ZNF782: variants seen among roughly 807,000 people sequenced by gnomAD.
ZNF782 encodes the protein zinc finger protein 782.
Under a neutral mutation model 13.0 loss-of-function variants are expected in ZNF782, and 12 were observed. That is an observed-to-expected ratio of 0.92 (90% CI 0.59 to 1.50). The LOEUF is 1.50. Among genes scored for constraint, ZNF782 ranks in the 40% most tolerant of loss-of-function variants. ZNF782 has a pLI of 0.00. For missense variants in ZNF782, 770 were observed against 822.9 expected (o/e 0.94, Z 0.79); for synonymous variants, 284 against 283.0 (o/e 1.00, Z -0.04).
chr9:96,866,293 G>A (rs1039073027), intron 1 of ZNF782, among the ~76,000 whole-genome samples: 10 of 152,136 alleles, frequency 6.6e-5, no homozygotes, highest in African/African-American at 9.7e-5. Flanking sequence ...GGAACTTGGC[G>A]CCCTGTGTCC....
the ZNF782 span, among the ~76,000 whole-genome samples, chr9:96,915,116 C>A: frequency 6.6e-6 from 1 of 151,764 alleles, no homozygotes; most frequent in Non-Finnish European, 1.5e-5. Context: ...CAAGAAAATT[C>A]TTTGTTCAAC....
At chr9:96,869,692 A>G (rs1187745208) in intron 1 of ZNF782, among the ~76,000 whole-genome samples, 3 of 152,224 alleles carry the variant, frequency 2.0e-5, no homozygotes, top group Non-Finnish European at 2.9e-5. Flanking sequence ...ATGAACATTT[A>G]AAATAGGCAT....
chr9:96,871,286 C>CT (rs909151077), intron 1 of ZNF782, among the ~76,000 whole-genome samples: 48 of 145,702 alleles, frequency 3.3e-4, no homozygotes, highest in South Asian at 8.7e-4. Flanking sequence ...TGTATTTCTT[C>CT]TTTTTTTTTT....
At chr9:96,884,894 C>A in the ZNF782 span, among the ~76,000 whole-genome samples, 1 of 151,784 alleles carries the variant, frequency 6.6e-6, no homozygotes, top group Non-Finnish European at 1.5e-5. Flanking sequence ...GCTTGACATG[C>A]CAAGAATCAG....
chr9:96,920,488 G>T, the ZNF782 span, among the ~76,000 whole-genome samples: 1 of 147,440 alleles, frequency 6.8e-6, no homozygotes, highest in Admixed American at 6.7e-5. Context: ...GGATGGTTTC[G>T]ATCTCCTGAC....
In ZNF782 at chr9:96,854,207, G is replaced by A. The variant is rs1851591821; in HGVS notation, c.-381C>T. On this transcript the variant is annotated 5_prime_UTR_variant, in exon 1 of 6. Transcript: ENST00000481138. ...CCCCACCCCCGCCGCCGCTCGCGCC[G>A]GGCTCCGGTCCCGCACACCGCGGCC... 6.6e-6 allele frequency: 1 copy of A among 152,278 alleles called. No individual in the cohort carries two copies. Among genetic ancestry groups the A allele is most frequent in the South Asian group, 2.1e-4 (1 of 4,824 alleles). The allele number at this position is 152,278 out of a possible 1,614,324, so 9.4% of individuals were successfully genotyped here.
the ZNF782 span, among the ~76,000 whole-genome samples, chr9:96,913,967 T>C: frequency 2.0e-5 from 3 of 147,658 alleles, no homozygotes; most frequent in Non-Finnish European, 4.5e-5. Flanking sequence ...CAGCGAGACC[T>C]TGTCTCAAAA....
At chr9:96,898,279 C>T in the ZNF782 span, among the ~76,000 whole-genome samples, 3 of 148,864 alleles carry the variant, frequency 2.0e-5, no homozygotes, top group East Asian at 6.8e-4. Context: ...GACCAAACCC[C>T]GTACCCATCA....
chr9:96,926,728 C>G, the ZNF782 span, among the ~76,000 whole-genome samples: 2 of 152,190 alleles, frequency 1.3e-5, no homozygotes, highest in South Asian at 4.1e-4. Flanking sequence ...GGGCTTGAGA[C>G]TTGCAATCCA....
the ZNF782 span, chr9:96,893,623 C>T: frequency 8.5e-5 from 13 of 152,160 alleles, no homozygotes; most frequent in East Asian, 2.5e-3. Flanking sequence ...AGACTTGGAA[C>T]CAACCCAAAT....
At position 96,818,594 on chromosome 9, in the gene ZNF782, G is replaced by A. The variant is rs143296733; in HGVS notation, c.1429C>T (p.Pro477Ser). The A allele has an allele frequency of 4.3e-6, 7 of 1,614,068 alleles. No homozygotes were observed. The highest frequency in any genetic ancestry group is 5.9e-6 in the Non-Finnish European group (7 of 1,179,998). The change falls in exon 6 of 6, where the codon CCT becomes TCT. Residue 477 changes from proline to serine, a missense_variant. Physicochemically the swap from Pro to Ser is moderately conservative, Grantham distance 74. Coordinates refer to ENST00000481138, the MANE Select transcript of ZNF782 (RefSeq NM_001001662.3). ...TTCCCGCATTCATTACATTCAAAAG[G>A]TTTCTCCCCTGTGTGAGTTCTCTGA... ...VHQRTHTGEK[P>S]FECNECGKSF...
the ZNF782 span, chr9:96,894,240 G>A: frequency 6.6e-6 from 1 of 152,000 alleles, no homozygotes; most frequent in African/African-American, 2.4e-5. Flanking sequence ...AATACCTAAT[G>A]TAAATGACGA....
In ZNF782 at chr9:96,860,723, C is replaced by T. The variant is rs117164893; in HGVS notation, c.-380-309G>A. Reference sequence around the variant, plus strand: ...AGCTATGGTAACCAGAACAGCATGGCACTGGCATAAAAACAGACACATAGA... The same window carrying T: ...AGCTATGGTAACCAGAACAGCATGGTACTGGCATAAAAACAGACACATAGA... On this transcript the variant is annotated intron_variant, in intron 2 of 5. Transcript: ENST00000498811. 9.9e-3 allele frequency among the ~76,000 whole-genome samples: 1,509 copies of T among 152,230 alleles called. 11 individuals are homozygous for T. The highest frequency in any genetic ancestry group is 0.016 in the Non-Finnish European group (1,083 of 68,012).
the ZNF782 span, chr9:96,910,324 T>G: frequency 3.0e-4 from 173 of 584,374 alleles, 1 homozygote; most frequent in South Asian, 2.3e-3. Context: ...AAGCTGAGTC[T>G]GCTACAGGCA....
chr9:96,818,988 C>T lies in ZNF782; in HGVS notation c.1035G>A (p.Glu345=). The T allele has an allele frequency of 6.2e-7, 1 of 1,614,120 alleles. No individual in the cohort carries two copies. Among genetic ancestry groups the T allele is most frequent in the South Asian group, 1.1e-5 (1 of 91,080 alleles). The change falls in exon 6 of 6, where the codon GAG becomes GAA. Residue 345 remains glutamate (E), a synonymous_variant. Coordinates refer to ENST00000481138, the MANE Select transcript of ZNF782 (RefSeq NM_001001662.3). ...DKYSDYHPCT[E]TFSYQSTFSV... is the part of the protein sequence containing the mutation. The stretch of plus-strand genomic sequence containing the variant: ...TGAAAGTTGACTGGTAGCTGAATGT[C>T]TCTGTACATGGGTGATAATCAGAGT...
At position 96,819,682 on chromosome 9, in the gene ZNF782, T is replaced by C. The variant is rs150833475; in HGVS notation, c.341A>G (p.Glu114Gly). ...VLFTNKLLTT[E>G]QEISGKPHNR... is the part of the protein sequence containing the mutation. Reference sequence around the variant, plus strand: ...ATGTGGTTTTCCTGAAATTTCTTGCTCTGTAGTCAATAATTTATTGGTGAA... The same window carrying C: ...ATGTGGTTTTCCTGAAATTTCTTGCCCTGTAGTCAATAATTTATTGGTGAA... The change falls in exon 6 of 6, where the codon GAG (glutamate) becomes GGG (glycine). Residue 114 changes from glutamate (E) to glycine (G), a missense_variant. Glu to Gly is a moderately conservative substitution (Grantham distance 98). Coordinates refer to ENST00000481138, the MANE Select transcript of ZNF782 (RefSeq NM_001001662.3). 1.9e-6 allele frequency: 3 copies of C among 1,613,794 alleles called. No homozygotes were observed. The highest frequency in any genetic ancestry group is 2.7e-5 in the African/African-American group (2 of 74,914).
chr9:96,907,379 C>A, the ZNF782 span, among the ~76,000 whole-genome samples: 8,717 of 118,450 alleles, frequency 0.074, 251 homozygotes, highest in East Asian at 0.4. Flanking sequence ...TAACGGAAAT[C>A]GAGTTTGTTT....
chr9:96,886,917 C>T, the ZNF782 span, among the ~76,000 whole-genome samples: 5 of 139,482 alleles, frequency 3.6e-5, no homozygotes, highest in Middle Eastern at 3.5e-3. Flanking sequence ...AGCAAACTCC[C>T]TCTCGAAAAA....
At chr9:96,932,603 G>A in the ZNF782 span, among the ~76,000 whole-genome samples, 2 of 152,118 alleles carry the variant, frequency 1.3e-5, no homozygotes, top group African/African-American at 4.8e-5. Context: ...ACTGTCAGGG[G>A]CCTCATGTCA....
Sources: allele counts gnomAD v4.1 joint callset (sites outside exome capture counted in the v4.1 genomes callset), GRCh38; gene constraint gnomAD v4.1.1; transcripts MANE v1.5; gene names NCBI Gene and HGNC (gene_info 2026-07-23, HGNC 2026-07-21).